The following ARHGAP39 variants were observed in gnomAD, a reference collection of about 807,000 sequenced individuals.
The protein encoded by ARHGAP39 is rho GTPase-activating protein 39.
A neutral mutation model predicts 106.9 loss-of-function variants in ARHGAP39; 44 were observed. The observed-to-expected ratio is 0.41, with a 90% CI of 0.32 to 0.53. ARHGAP39 has a LOEUF of 0.53. Ranked by LOEUF, ARHGAP39 falls within the 20% of genes least tolerant of loss-of-function variation. ARHGAP39 has a pLI of 0.21. For synonymous variants in ARHGAP39, 768 were observed against 693.2 expected (o/e 1.11, Z -1.69); for missense variants, 1,496 against 1,577.3 (o/e 0.95, Z 0.87).
upstream of ARHGAP39, among the ~76,000 whole-genome samples, chr8:144,686,332 C>G (rs1285898877): frequency 6.6e-6 from 1 of 152,068 alleles, no homozygotes; most frequent in Non-Finnish European, 1.5e-5. Flanking sequence ...GTCACTTTTA[C>G]TCGGTAATTC....
chr8:144,619,519 C>T (rs746700458), intron 1 of ARHGAP39, among the ~76,000 whole-genome samples: 9 of 151,244 alleles, frequency 6.0e-5, no homozygotes, highest in African/African-American at 1.7e-4. Flanking sequence ...CCTGAGAAAG[C>T]GTGTGTGCCT....
intron 1 of ARHGAP39, among the ~76,000 whole-genome samples, chr8:144,653,560 C>T (rs537835435): frequency 6.6e-6 from 1 of 152,282 alleles, no homozygotes; most frequent in African/African-American, 2.4e-5. Flanking sequence ...AAACACTGGC[C>T]ATCAGAGACT....
rs918852147 is a variant in ARHGAP39 at position 144,684,529 on chromosome 8, A to AG, written c.-82+1156dup. 2.0e-5 allele frequency among the ~76,000 whole-genome samples: 3 copies of AG among 151,980 alleles called. No homozygotes were observed. The highest frequency in any genetic ancestry group is 4.4e-5 in the Non-Finnish European group (3 of 67,988). On this transcript the variant is annotated intron_variant, in intron 1 of 11. Transcript: ENST00000377307. This position sits in a 1 kb window ranked among gnomAD's most constrained non-coding sequence, Gnocchi z 4.4. ...TTAAACCCGTACAGCACTGAGGGGG[A>AG]GGGGGCCCGGCTGCGTTTCCGAAGC...
intron 2 of ARHGAP39, among the ~76,000 whole-genome samples, chr8:144,583,471 G>A (rs1819075738): frequency 6.6e-6 from 1 of 152,112 alleles, no homozygotes; most frequent in Non-Finnish European, 1.5e-5. Context: ...GCGGGACTGG[G>A]TGCCCACTAA....
chr8:144,597,592 C>T (rs1298161819), intron 2 of ARHGAP39, among the ~76,000 whole-genome samples: 1 of 152,154 alleles, frequency 6.6e-6, no homozygotes, highest in African/African-American at 2.4e-5. Flanking sequence ...GCGGGGGGAA[C>T]CCAGGATCAG....
chr8:144,584,008 C>T (rs1819096099), intron 2 of ARHGAP39: 1 of 152,310 alleles, frequency 6.6e-6, no homozygotes, highest in South Asian at 2.1e-4. Context: ...AATTCAAATG[C>T]AAACTTAATG....
In ARHGAP39 at chr8:144,679,752, G is replaced by A. The variant is rs1036602383; in HGVS notation, c.-82+5934C>T. On this transcript the variant is annotated intron_variant, in intron 1 of 11. Coordinates refer to ENST00000377307, the MANE Select transcript of ARHGAP39 (RefSeq NM_025251.3). The surrounding 1 kb of genome is among the most constrained non-coding windows in gnomAD (Gnocchi z 4.7). ...TCCCAGCACTTTGGGAGGCCAAGGC[G>A]GGCGGATCACGAGGTCAGGAGATCG... 5.9e-5 allele frequency among the ~76,000 whole-genome samples: 9 copies of A among 152,184 alleles called. 1 individual carries two copies. Among genetic ancestry groups the A allele is most frequent in the Admixed American group, 3.3e-4 (5 of 15,276 alleles).
intron 2 of ARHGAP39, 90 bp from the exon 3 acceptor site, chr8:144,581,367 G>T: frequency 7.5e-7 from 1 of 1,334,670 alleles, no homozygotes; most frequent in Non-Finnish European, 1.0e-6. Flanking sequence ...AGCCCCAGCT[G>T]CGAAACCCAG....
In ARHGAP39 at chr8:144,591,577, G is replaced by A. The variant is rs1307070376; in HGVS notation, c.81-10300C>T. Among the ~76,000 whole-genome samples, 1 of 152,224 alleles carries A rather than the reference G, an allele frequency of 6.6e-6. No homozygotes were observed. The highest frequency in any genetic ancestry group is 1.5e-5 in the Non-Finnish European group (1 of 68,038). On this transcript the variant is annotated intron_variant, in intron 2 of 11. Transcript: ENST00000377307. This position sits in a 1 kb window ranked among gnomAD's most constrained non-coding sequence, Gnocchi z 5.3. The stretch of plus-strand genomic sequence containing the variant: ...CTGGCTGGTCCACAGGGAGCAGGAT[G>A]AAGGCTCCGGGAGGCCAGTGGTGCT...
In ARHGAP39 at chr8:144,548,698, G is replaced by A. The variant is rs1375798233; in HGVS notation, c.597-209C>T. Among the ~76,000 whole-genome samples the A allele has an allele frequency of 6.6e-6, 1 of 152,158 alleles. No homozygotes were observed. Among genetic ancestry groups the A allele is most frequent in the Non-Finnish European group, 1.5e-5 (1 of 68,018 alleles). On this transcript the variant is annotated intron_variant, in intron 4 of 11. Transcript: ENST00000377307. The surrounding 1 kb of genome is among the most constrained non-coding windows in gnomAD (Gnocchi z 7.4). ...GGGCTCTCCTGGAGCTGCCGCCCAC[G>A]ACCAGGTGTCTGTCTGCTCTGATCC... is the stretch of plus-strand genomic sequence containing the variant.
chr8:144,559,416 T>C (rs1444498611), intron 3 of ARHGAP39, among the ~76,000 whole-genome samples: 1 of 131,924 alleles, frequency 7.6e-6, no homozygotes, highest in Non-Finnish European at 1.6e-5. Flanking sequence ...TACTAGTAGA[T>C]GGATGGATTC....
chr8:144,530,763 A>C lies in ARHGAP39; in HGVS notation c.3089T>G (p.Val1030Gly). ...GTTGATGCGGGGCAGCGCGTGCACC[A>C]CGGCCACCGCCGCCTCGGGGCTGTC... is the stretch of plus-strand genomic sequence containing the variant. Reference protein sequence around the residue: ...HYDSPEAAVAVVHALPRINRM... With the variant: ...HYDSPEAAVAGVHALPRINRM... The change falls in exon 11 of 12, where the codon GTG becomes GGG. Residue 1030 changes from valine (V) to glycine (G), a missense_variant. By Grantham distance (109) the Val-to-Gly change is moderately radical. Transcript: ENST00000377307. The C allele has an allele frequency of 6.2e-7, 1 of 1,610,908 alleles. No individual in the cohort carries two copies. Among genetic ancestry groups the C allele is most frequent in the Non-Finnish European group, 8.5e-7 (1 of 1,179,196 alleles).
At chr8:144,566,654 G>A (rs1383693439) in intron 3 of ARHGAP39, among the ~76,000 whole-genome samples, 1 of 152,040 alleles carries the variant, frequency 6.6e-6, no homozygotes, top group Non-Finnish European at 1.5e-5. Context: ...TCAGGAGTTC[G>A]AGGCCAGCCT....
At chr8:144,536,130 C>T (rs551833731) in intron 7 of ARHGAP39, among the ~76,000 whole-genome samples, 19 of 152,318 alleles carry the variant, frequency 1.2e-4, no homozygotes, top group African/African-American at 4.3e-4. Context: ...GGGTGCTCTG[C>T]TCTGAGCCCA....
chr8:144,589,305 C>T (rs898682886), intron 2 of ARHGAP39, among the ~76,000 whole-genome samples: 2 of 152,206 alleles, frequency 1.3e-5, no homozygotes, highest in Non-Finnish European at 2.9e-5. Context: ...GTAGCACAGT[C>T]GGCCTCATTT....
rs574985493 is a variant in ARHGAP39, at chr8:144,593,771, CAG to C, written c.80+11762_80+11763del. 2.6e-3 allele frequency among the ~76,000 whole-genome samples: 389 copies of C among 152,160 alleles called. 2 individuals are homozygous for C. The highest frequency in any genetic ancestry group is 2.1e-3 in the Non-Finnish European group (141 of 68,016). ...ATCTACTGCACTCCCGTCTGCGCAA[CAG>C]AGTGAGATCCTGTCTCGAAAAGAAA... On this transcript the variant is annotated intron_variant, in intron 2 of 11. Transcript: ENST00000377307.
intron 7 of ARHGAP39, 106 bp downstream of exon 7, chr8:144,537,615 A>ACC: frequency 1.8e-6 from 1 of 564,720 alleles, no homozygotes; most frequent in Non-Finnish European, 3.1e-6. Context: ...TAGTGGCCCC[A>ACC]TCCCCCCCGC....
In ARHGAP39 at chr8:144,601,852, T is replaced by C. The variant is rs532303912; in HGVS notation, c.80+3683A>G. ...GCTCGTGTACCTGTGTGCATGTGCG[T>C]AGAGGTGTGTGTGCGAGCTCACGTA... On this transcript the variant is annotated intron_variant, in intron 2 of 11. Coordinates refer to ENST00000377307, the MANE Select transcript of ARHGAP39 (RefSeq NM_025251.3). Among the ~76,000 whole-genome samples, 134 of 135,512 alleles carry C rather than the reference T, an allele frequency of 9.9e-4. 1 individual carries two copies. The highest frequency in any genetic ancestry group is 3.8e-3 in the African/African-American group (133 of 35,348). The allele number at this position is 135,512 out of a possible 152,430, so 88.9% of individuals were successfully genotyped here. A position where few individuals can be genotyped will look rare whatever the true frequency, so the allele number is the denominator to read the frequency against.
the ARHGAP39 span, among the ~76,000 whole-genome samples, chr8:144,691,558 G>A: frequency 1.3e-5 from 2 of 152,138 alleles, no homozygotes; most frequent in Admixed American, 1.3e-4. Flanking sequence ...CCCCTAGTGT[G>A]CAGGTCCCTC....
Sources: gnomAD v4.1 joint callset for allele counts (sites outside exome capture counted in the v4.1 genomes callset) on GRCh38, gnomAD v4.1.1 for gene constraint, Gnocchi (gnomAD v3.1) non-coding constraint, MANE v1.5 for transcripts, NCBI Gene and HGNC (gene_info 2026-07-23, HGNC 2026-07-21) for gene names.